The following KCND2 variants were observed in gnomAD, a reference collection of about 807,000 sequenced individuals.
KCND2 encodes the protein potassium voltage-gated channel subfamily D member 2.
KCND2 carries 16 observed loss-of-function variants against 54.4 expected under a neutral mutation model. The observed-to-expected ratio is 0.29, with a 90% CI of 0.20 to 0.45. KCND2 has a LOEUF of 0.45. KCND2 is among the 20% of genes least tolerant of loss of function. The pLI is 1.00. For synonymous variants in KCND2, 317 were observed against 310.7 expected, an observed-to-expected ratio of 1.02 and a Z score of -0.21; for missense variants, 486 against 824.2, an observed-to-expected ratio of 0.59 and a Z score of 5.02.
intron 1 of KCND2, among the ~76,000 whole-genome samples, chr7:120,418,987 T>C (rs563442512): frequency 3.3e-5 from 5 of 152,306 alleles, no homozygotes; most frequent in African/African-American, 1.2e-4. Flanking sequence ...CTGCTGAATA[T>C]TGAGTCAGGA....
intron 1 of KCND2, 64 bp from the exon 2 acceptor site, chr7:120,732,839 G>C: frequency 2.1e-6 from 3 of 1,409,656 alleles, no homozygotes; most frequent in Non-Finnish European, 3.0e-6. Flanking sequence ...AAAATTCTTA[G>C]TTTCAGGTAG....
intron 1 of KCND2, among the ~76,000 whole-genome samples, chr7:120,478,693 A>G (rs1252016453): frequency 6.6e-6 from 1 of 152,166 alleles, no homozygotes; most frequent in African/African-American, 2.4e-5. Context: ...GTTGAAGTAA[A>G]AAGCCCTACT....
intron 1 of KCND2, among the ~76,000 whole-genome samples, chr7:120,711,546 A>C (rs1290396034): frequency 6.6e-6 from 1 of 152,184 alleles, no homozygotes; most frequent in Non-Finnish European, 1.5e-5. Flanking sequence ...TAGGCGATGG[A>C]GAATGTTAAG....
intron 1 of KCND2, among the ~76,000 whole-genome samples, chr7:120,543,146 AAT>A (rs150864016): frequency 6.0e-5 from 9 of 150,158 alleles, no homozygotes; most frequent in Admixed American, 2.0e-4. Context: ...ATAACCTCAA[AAT>A]ATATATATAT....
At chr7:120,724,241 G>T (rs1268517779) in intron 1 of KCND2, among the ~76,000 whole-genome samples, 2 of 152,164 alleles carry the variant, frequency 1.3e-5, no homozygotes, top group Non-Finnish European at 2.9e-5. Context: ...GAGAAGATAG[G>T]CCTGTAAAAA....
intron 1 of KCND2, among the ~76,000 whole-genome samples, chr7:120,330,238 A>G (rs1800044145): frequency 6.6e-6 from 1 of 151,882 alleles, no homozygotes; most frequent in South Asian, 2.1e-4. Flanking sequence ...CGTAGTGAGG[A>G]AAAAAAATGA....
intron 1 of KCND2, among the ~76,000 whole-genome samples, chr7:120,517,837 A>G (rs1350170639): frequency 6.6e-6 from 1 of 152,070 alleles, no homozygotes; most frequent in African/African-American, 2.4e-5. Context: ...ATCTCCTACT[A>G]TTCTCCTTAC....
intron 1 of KCND2, among the ~76,000 whole-genome samples, chr7:120,313,521 A>G (rs945078209): frequency 2.6e-5 from 4 of 152,168 alleles, no homozygotes; most frequent in Non-Finnish European, 5.9e-5. Flanking sequence ...GTTGACTTAA[A>G]CCCGATTTTC....
At chr7:120,695,187 A>C (rs1792318433) in intron 1 of KCND2, among the ~76,000 whole-genome samples, 1 of 151,194 alleles carries the variant, frequency 6.6e-6, no homozygotes, top group Admixed American at 6.6e-5. Context: ...TCAAACTGTT[A>C]TATATGTATA....
At chr7:120,678,867 A>G (rs148304529) in intron 1 of KCND2, among the ~76,000 whole-genome samples, 37 of 150,694 alleles carry the variant, frequency 2.5e-4, no homozygotes, top group African/African-American at 8.7e-4. Flanking sequence ...GTTTACATTC[A>G]CAACATAAAG....
At chr7:120,488,836 A>G (rs1403155422) in intron 1 of KCND2, among the ~76,000 whole-genome samples, 1 of 152,090 alleles carries the variant, frequency 6.6e-6, no homozygotes, top group Non-Finnish European at 1.5e-5. Flanking sequence ...ATCAATTATG[A>G]CTTAATTTGG....
intron 1 of KCND2, among the ~76,000 whole-genome samples, chr7:120,488,776 A>G (rs1802730021): frequency 6.6e-6 from 1 of 152,080 alleles, no homozygotes; most frequent in Non-Finnish European, 1.5e-5. Context: ...GAAAAAATTT[A>G]AAAATCTTAT....
intron 1 of KCND2, among the ~76,000 whole-genome samples, chr7:120,645,754 A>G (rs569075482): frequency 2.0e-5 from 3 of 152,194 alleles, no homozygotes. Flanking sequence ...TCTGTGCCCA[A>G]TGGCTGGCCA....
At chr7:120,623,727 C>A (rs1793131578) in intron 1 of KCND2, among the ~76,000 whole-genome samples, 1 of 151,992 alleles carries the variant, frequency 6.6e-6, no homozygotes, top group African/African-American at 2.4e-5. Context: ...ATGATAGAAA[C>A]AATAATTTTT....
At chr7:120,306,747 TTC>T (rs1799655573) in intron 1 of KCND2, among the ~76,000 whole-genome samples, 2 of 152,072 alleles carry the variant, frequency 1.3e-5, no homozygotes, top group African/African-American at 4.8e-5. Context: ...CTCTTGAGCA[TTC>T]TCTAACTGCA....
At chr7:120,536,153 G>A (rs1193679011) in intron 1 of KCND2, among the ~76,000 whole-genome samples, 3 of 152,130 alleles carry the variant, frequency 2.0e-5, no homozygotes, top group African/African-American at 7.2e-5. Context: ...TGGTTTCCCA[G>A]TGCATATAAA....
At chr7:120,674,619 A>AT (rs1471738879) in intron 1 of KCND2, among the ~76,000 whole-genome samples, 1 of 152,216 alleles carries the variant, frequency 6.6e-6, no homozygotes, top group African/African-American at 2.4e-5. Flanking sequence ...ATATTTTCAG[A>AT]TAAACACCCT....
intron 1 of KCND2, among the ~76,000 whole-genome samples, chr7:120,278,377 C>A (rs1031925821): frequency 8.6e-5 from 13 of 151,812 alleles, no homozygotes; most frequent in African/African-American, 3.1e-4. Context: ...CAATATCCAA[C>A]TATGTCTGAA....
intron 1 of KCND2, chr7:120,672,981 GAGAA>G (rs1179162596): frequency 2.0e-5 from 3 of 151,670 alleles, no homozygotes; most frequent in Admixed American, 6.6e-5. Context: ...TTAAAAGACA[GAGAA>G]AGAAAGAGAG....
Sources: gnomAD v4.1 joint callset for allele counts (sites outside exome capture counted in the v4.1 genomes callset) on GRCh38, gnomAD v4.1.1 for gene constraint, MANE v1.5 for transcripts, NCBI Gene and HGNC (gene_info 2026-07-23, HGNC 2026-07-21) for gene names.